Variants in OLFM2 observed in about 807,000 individuals in gnomAD.
The protein encoded by OLFM2 is olfactomedin 2.
OLFM2 carries 20 observed loss-of-function variants against 43.9 expected under a neutral mutation model. The ratio of observed to expected loss-of-function variants is 0.46; its 90% CI spans 0.32 to 0.66. The LOEUF (loss-of-function observed/expected upper bound fraction) is 0.66, where lower values mean the gene tolerates loss of function less well. Ranked by LOEUF, OLFM2 falls within the 30% of genes least tolerant of loss-of-function variation. OLFM2 has a pLI of 0.04. For missense variants in OLFM2, 416 were observed against 643.6 expected, an observed-to-expected ratio of 0.65 and a Z score of 3.83; for synonymous variants, 268 against 278.6, an observed-to-expected ratio of 0.96 and a Z score of 0.38.
intron 1 of OLFM2, among the ~76,000 whole-genome samples, chr19:9,899,922 A>G (rs902589587): frequency 6.6e-6 from 1 of 150,476 alleles, no homozygotes; most frequent in Admixed American, 6.7e-5. Flanking sequence ...TTTCTTGTTT[A>G]TTTGTTTGTT....
At chr19:9,922,340 T>C (rs2086426764) in intron 1 of OLFM2, among the ~76,000 whole-genome samples, 1 of 151,966 alleles carries the variant, frequency 6.6e-6, no homozygotes, top group Non-Finnish European at 1.5e-5. Flanking sequence ...AACAGAGAAG[T>C]GGGCAAAAGA....
intron 1 of OLFM2, among the ~76,000 whole-genome samples, chr19:9,861,236 T>C (rs2046363749): frequency 6.6e-6 from 1 of 151,546 alleles, no homozygotes; most frequent in Non-Finnish European, 1.5e-5. Context: ...TTTTTGTTGT[T>C]GTTTGTTTTT....
chr19:9,920,870 G>C (rs948934123), intron 1 of OLFM2, among the ~76,000 whole-genome samples: 3 of 151,266 alleles, frequency 2.0e-5, no homozygotes, highest in African/African-American at 7.3e-5. Context: ...TCACACCACT[G>C]TACTCCAGCC....
intron 1 of OLFM2, among the ~76,000 whole-genome samples, chr19:9,925,724 G>A (rs996684233): frequency 6.6e-6 from 1 of 151,676 alleles, no homozygotes; most frequent in African/African-American, 2.4e-5. Context: ...GTGAGCCACC[G>A]CGCCTGGCCC....
chr19:9,857,714 C>A lies in OLFM2; in HGVS notation c.360+1G>T. 1 of 1,614,174 alleles carries A rather than the reference C, an allele frequency of 6.2e-7. No individual in the cohort carries two copies. The highest frequency in any genetic ancestry group is 8.5e-7 in the Non-Finnish European group (1 of 1,180,040). On this transcript the variant is annotated splice_donor_variant, in intron 3 of 5. Coordinates refer to ENST00000264833, the MANE Select transcript of OLFM2 (RefSeq NM_058164.4). LOFTEE classifies it high-confidence loss of function. This position sits in a 1 kb window ranked among gnomAD's most constrained non-coding sequence, Gnocchi z 5.7. ...TCTGGTCTGGACACAGGAGGACCCACCTGGAAGCTCTTGGCCGAGAGGGAC... is the reference window on the plus strand; with the variant it reads ...TCTGGTCTGGACACAGGAGGACCCAACTGGAAGCTCTTGGCCGAGAGGGAC...
intron 1 of OLFM2, among the ~76,000 whole-genome samples, chr19:9,898,087 T>TTC (rs1165625553): frequency 1.6e-4 from 24 of 149,758 alleles, no homozygotes; most frequent in Non-Finnish European, 2.8e-4. Flanking sequence ...TTTTTTTTTT[T>TTC]TGAGACAGAC....
Position 9,856,963 on chromosome 19 carries a change from G to A in OLFM2, c.581-50C>T, listed in dbSNP as rs1011889841. 3.5e-6 allele frequency: 5 copies of A among 1,411,032 alleles called. No individual in the cohort carries two copies. In the Admixed American group the frequency reaches 5.8e-5, roughly 16 times the overall value. The allele number at this position is 1,411,032 out of a possible 1,614,324, so 87.4% of individuals were successfully genotyped here. A position where few individuals can be genotyped will look rare whatever the true frequency, so the allele number is the denominator to read the frequency against. The stretch of plus-strand genomic sequence containing the variant: ...GAGGATGGGGAAATGAACAGCCCAA[G>A]AGAGGCCAGGCAAAGATGAAGTGCT... On this transcript the variant is annotated intron_variant, in intron 4 of 5. Transcript: ENST00000264833. This position sits in a 1 kb window ranked among gnomAD's most constrained non-coding sequence, Gnocchi z 4.0.
At chr19:9,926,539 G>A (rs985472143) in intron 1 of OLFM2, among the ~76,000 whole-genome samples, 7 of 151,246 alleles carry the variant, frequency 4.6e-5, no homozygotes, top group African/African-American at 1.7e-4. Flanking sequence ...GACAGAGAGC[G>A]AGACTCCATC....
intron 1 of OLFM2, among the ~76,000 whole-genome samples, chr19:9,917,924 G>A (rs1249740774): frequency 6.6e-6 from 1 of 152,066 alleles, no homozygotes; most frequent in Non-Finnish European, 1.5e-5. Context: ...TGTTGCCCAG[G>A]TTGGAGTGCA....
At chr19:9,913,970 CCCGCCCCCCGCCGAGGA>C (rs980339053) in intron 1 of OLFM2, 16 of 145,758 alleles carry the variant, frequency 1.1e-4, no homozygotes, top group African/African-American at 3.8e-4. Context: ...CACGCCCTCG[CCCGCCCCCCGCCGAGGA>C]CCTCTCCATG....
At chr19:9,881,063 A>C (rs925727680) in intron 1 of OLFM2, among the ~76,000 whole-genome samples, 34 of 152,108 alleles carry the variant, frequency 2.2e-4, no homozygotes, top group African/African-American at 7.2e-4. Flanking sequence ...ACACCCGGCA[A>C]ATTTTTGTAT....
intron 1 of OLFM2, among the ~76,000 whole-genome samples, chr19:9,898,193 G>A (rs988929763): frequency 6.7e-6 from 1 of 149,624 alleles, no homozygotes; most frequent in Non-Finnish European, 1.5e-5. Flanking sequence ...TTACAGGCAT[G>A]AGCCATAGCG....
chr19:9,875,672 T>TTC (rs1568372284), intron 1 of OLFM2, among the ~76,000 whole-genome samples: 1 of 75,970 alleles, frequency 1.3e-5, no homozygotes. Flanking sequence ...TGTTGTTGTT[T>TTC]TTCTTTTGTT....
intron 1 of OLFM2, among the ~76,000 whole-genome samples, chr19:9,908,340 CTT>C (rs1298778628): frequency 6.6e-6 from 1 of 151,682 alleles, no homozygotes; most frequent in African/African-American, 2.4e-5. Context: ...GAGTTTTGCT[CTT>C]GTCACCCAGG....
At chr19:9,875,851 G>A (rs1347857261) in intron 1 of OLFM2, among the ~76,000 whole-genome samples, 1 of 152,008 alleles carries the variant, frequency 6.6e-6, no homozygotes, top group Non-Finnish European at 1.5e-5. Flanking sequence ...TAGCTCAATA[G>A]CTACCACGGG....
chr19:9,893,891 T>C (rs567547335), intron 1 of OLFM2, among the ~76,000 whole-genome samples: 1 of 152,228 alleles, frequency 6.6e-6, no homozygotes, highest in South Asian at 2.1e-4. Context: ...ACAAGAACCA[T>C]CCTGAGTCTC....
intron 1 of OLFM2, among the ~76,000 whole-genome samples, chr19:9,888,309 G>C (rs772272442): frequency 1.3e-5 from 2 of 151,902 alleles, no homozygotes; most frequent in Non-Finnish European, 2.9e-5. Context: ...GATCATTTGA[G>C]GTCGGGAGTT....
chr19:9,918,859 G>C (rs1387668531), intron 1 of OLFM2, among the ~76,000 whole-genome samples: 3 of 152,164 alleles, frequency 2.0e-5, no homozygotes, highest in African/African-American at 7.2e-5. Flanking sequence ...GCCTGCAAGT[G>C]GGGGTGGGAG....
At position 9,856,870 on chromosome 19, in the gene OLFM2, C is replaced by G. The variant is rs769317428; in HGVS notation, c.624G>C (p.Arg208=). Reference sequence around the variant, plus strand: ...AGGAGCCGAAGCGGGACCCCATGGCCCGAACGGTGATGGGGTTACTGACCC... The same window carrying G: ...AGGAGCCGAAGCGGGACCCCATGGCGCGAACGGTGATGGGGTTACTGACCC... ...LTGVSNPITV[R]AMGSRFGSWM... Residue 208 remains arginine (R), a synonymous_variant, in exon 5 of 6, where the codon CGG becomes CGC. Transcript: ENST00000264833. The surrounding 1 kb of genome is among the most constrained non-coding windows in gnomAD (Gnocchi z 4.0). 2 of 1,613,366 alleles carry G rather than the reference C, an allele frequency of 1.2e-6. No individual in the cohort carries two copies. The highest frequency in any genetic ancestry group is 1.7e-6 in the Non-Finnish European group (2 of 1,179,780).
Sources: allele counts gnomAD v4.1 joint callset (sites outside exome capture counted in the v4.1 genomes callset), GRCh38; gene constraint gnomAD v4.1.1; non-coding constraint Gnocchi (gnomAD v3.1); transcripts MANE v1.5; gene names NCBI Gene and HGNC (gene_info 2026-07-23, HGNC 2026-07-21).